EPHA6: variants seen among roughly 807,000 people sequenced by gnomAD.
EPHA6 encodes the protein EPH receptor A6.
A neutral mutation model predicts 112.0 loss-of-function variants in EPHA6; 50 were observed. The ratio of observed to expected loss-of-function variants is 0.45; its 90% CI spans 0.36 to 0.56. The LOEUF (loss-of-function observed/expected upper bound fraction) is 0.56. EPHA6 is among the 20% of genes least tolerant of loss of function. The probability of loss-of-function intolerance (pLI) is 0.00; values close to 1 mark genes in which losing one functional copy is unlikely to be tolerated. For synonymous variants in EPHA6, 529 were observed against 490.7 expected (o/e 1.08, Z -1.03); for missense variants, 1,280 against 1,417.4 (o/e 0.90, Z 1.56).
At chr3:97,052,305 G>C (rs968077190) in intron 3 of EPHA6, among the ~76,000 whole-genome samples, 1 of 152,016 alleles carries the variant, frequency 6.6e-6, no homozygotes, top group Non-Finnish European at 1.5e-5. Flanking sequence ...TATGATGACT[G>C]TTTACCCATT....
At chr3:97,504,588 CT>C (rs2092199379) in intron 10 of EPHA6, among the ~76,000 whole-genome samples, 1 of 152,132 alleles carries the variant, frequency 6.6e-6, no homozygotes, top group Non-Finnish European at 1.5e-5. Flanking sequence ...TGTAGCCCTT[CT>C]TTAGCCAAGC....
intron 5 of EPHA6, among the ~76,000 whole-genome samples, chr3:97,355,732 G>A (rs1417588251): frequency 6.6e-6 from 1 of 152,102 alleles, no homozygotes; most frequent in Non-Finnish European, 1.5e-5. Flanking sequence ...AGAAGACACG[G>A]ATTGGCTGAA....
intron 10 of EPHA6, among the ~76,000 whole-genome samples, chr3:97,511,236 A>AG (rs1560085664): frequency 6.6e-6 from 1 of 151,276 alleles, no homozygotes; most frequent in Non-Finnish European, 1.5e-5. Flanking sequence ...AAAAAAAAAA[A>AG]ACTTCTGCAG....
At chr3:97,405,449 T>A (rs1277410473) in intron 6 of EPHA6, among the ~76,000 whole-genome samples, 175 bp downstream of exon 6, 8 of 152,130 alleles carry the variant, frequency 5.3e-5, no homozygotes, top group Non-Finnish European at 5.9e-5. Flanking sequence ...TGTAAGTTAT[T>A]GATTAATTTA....
Position 97,179,249 on chromosome 3 carries a change from A to T in EPHA6, c.1115-47015A>T, listed in dbSNP as rs532270458. Among the ~76,000 whole-genome samples, 29 of 151,760 alleles carry T rather than the reference A, an allele frequency of 1.9e-4. 1 individual carries two copies. The highest frequency in any genetic ancestry group is 3.6e-4 in the African/African-American group (15 of 41,394). On this transcript the variant is annotated intron_variant, in intron 3 of 17. Coordinates refer to ENST00000389672, the MANE Select transcript of EPHA6 (RefSeq NM_001080448.3). ...TTAATTATTTCAACCTCTTTATTAAATTTTTCTGATAGAATTCTGAATTCC... is the reference window on the plus strand; with the variant it reads ...TTAATTATTTCAACCTCTTTATTAATTTTTTCTGATAGAATTCTGAATTCC...
chr3:97,251,587 T>C (rs1576772765), intron 5 of EPHA6, among the ~76,000 whole-genome samples: 1 of 152,308 alleles, frequency 6.6e-6, no homozygotes, highest in East Asian at 1.9e-4. Flanking sequence ...CTGATCATCA[T>C]TAAAAATGTG....
chr3:97,571,264 G>A (rs945616911), intron 11 of EPHA6, among the ~76,000 whole-genome samples: 5 of 151,936 alleles, frequency 3.3e-5, no homozygotes, highest in Non-Finnish European at 7.4e-5. Flanking sequence ...GGACCAATTA[G>A]CAGACTCTTG....
chr3:97,248,910 A>G (rs973566424), intron 5 of EPHA6, among the ~76,000 whole-genome samples: 6 of 152,152 alleles, frequency 3.9e-5, no homozygotes, highest in African/African-American at 1.4e-4. Flanking sequence ...AATTAGGGAT[A>G]GTGTAAACAT....
At chr3:97,682,372 T>C (rs746280123) in intron 14 of EPHA6, among the ~76,000 whole-genome samples, 3 of 152,140 alleles carry the variant, frequency 2.0e-5, no homozygotes, top group Non-Finnish European at 2.9e-5. Context: ...ATGATTTAAA[T>C]GAAGTAAATA....
At chr3:97,670,491 T>C (rs536341921) in intron 14 of EPHA6, among the ~76,000 whole-genome samples, 4 of 152,208 alleles carry the variant, frequency 2.6e-5, no homozygotes, top group Non-Finnish European at 4.4e-5. Flanking sequence ...TCAGGTCTCC[T>C]AGGATATTAT....
intron 5 of EPHA6, among the ~76,000 whole-genome samples, chr3:97,272,748 AT>A (rs1380940149): frequency 6.6e-6 from 1 of 152,058 alleles, no homozygotes; most frequent in African/African-American, 2.4e-5. Context: ...GGAACAGGCC[AT>A]TTTCACTTCT....
At chr3:97,128,016 T>C (rs1421206043) in intron 3 of EPHA6, among the ~76,000 whole-genome samples, 3 of 152,020 alleles carry the variant, frequency 2.0e-5, no homozygotes, top group Non-Finnish European at 4.4e-5. Flanking sequence ...CCTCTTAACC[T>C]CCCCACTTCT....
chr3:96,957,274 T>C (rs2041799994), intron 2 of EPHA6, among the ~76,000 whole-genome samples: 1 of 152,112 alleles, frequency 6.6e-6, no homozygotes, highest in Non-Finnish European at 1.5e-5. Context: ...TGCTGAGAAT[T>C]TGAAGATAAA....
chr3:96,885,676 G>C (rs186579283), intron 2 of EPHA6, among the ~76,000 whole-genome samples: 1 of 151,838 alleles, frequency 6.6e-6, no homozygotes, highest in Admixed American at 6.6e-5. Flanking sequence ...AAAAGAACCA[G>C]GGTTTTTTTT....
intron 1 of EPHA6, among the ~76,000 whole-genome samples, chr3:96,858,681 A>G (rs896376461): frequency 1.3e-5 from 2 of 152,092 alleles, no homozygotes; most frequent in Non-Finnish European, 2.9e-5. Flanking sequence ...TTTTCTTCGT[A>G]TGATGGATGT....
chr3:97,578,901 TCA>T (rs1341189838), intron 11 of EPHA6, among the ~76,000 whole-genome samples: 1 of 152,178 alleles, frequency 6.6e-6, no homozygotes, highest in Non-Finnish European at 1.5e-5. Flanking sequence ...TTAAATACAA[TCA>T]CACATACACA....
intron 4 of EPHA6, 98 bp from the exon 5 acceptor site, chr3:97,243,854 T>C (rs1463854872): frequency 1.1e-6 from 1 of 915,438 alleles, no homozygotes; most frequent in Non-Finnish European, 1.6e-6. Flanking sequence ...CAAACTAACA[T>C]AAAAGAGCAA....
intron 5 of EPHA6, among the ~76,000 whole-genome samples, chr3:97,330,138 C>A (rs1040221733): frequency 6.6e-6 from 1 of 151,702 alleles, no homozygotes; most frequent in African/African-American, 2.4e-5. Flanking sequence ...AGATATGCAG[C>A]ATTATTTCTG....
intron 8 of EPHA6, among the ~76,000 whole-genome samples, chr3:97,476,549 T>A (rs1466995899): frequency 6.6e-6 from 1 of 152,146 alleles, no homozygotes; most frequent in Admixed American, 6.6e-5. Context: ...AAATTTAATC[T>A]ACTTAAAATT....
Sources: gnomAD v4.1 joint callset for allele counts (sites outside exome capture counted in the v4.1 genomes callset) on GRCh38, gnomAD v4.1.1 for gene constraint, MANE v1.5 for transcripts, NCBI Gene and HGNC (gene_info 2026-07-23, HGNC 2026-07-21) for gene names.